The following ANKRD29 variants were observed in gnomAD, a reference collection of about 807,000 sequenced individuals.
The protein encoded by ANKRD29 is ankyrin repeat domain-containing protein 29.
ANKRD29 carries 32 observed loss-of-function variants against 38.0 expected under a neutral mutation model. The ratio of observed to expected loss-of-function variants is 0.84; its 90% CI spans 0.64 to 1.13. ANKRD29 has a LOEUF of 1.13. Ranked by LOEUF, ANKRD29 falls within the 50% of genes most tolerant of loss-of-function variation. The pLI, the probability that ANKRD29 is intolerant of heterozygous loss-of-function variation, is 0.00. For synonymous variants in ANKRD29, 135 were observed against 152.4 expected, an observed-to-expected ratio of 0.89 and a Z score of 0.84; for missense variants, 357 against 377.9, an observed-to-expected ratio of 0.94 and a Z score of 0.46.
chr18:23,634,220 C>A, intron 4 of ANKRD29, 71 bp from the exon 5 acceptor site: 1 of 1,099,260 alleles, frequency 9.1e-7, no homozygotes, highest in Non-Finnish European at 1.3e-6. Context: ...ATGTTCCTCA[C>A]ATACATAGAA....
chr18:23,615,913 T>C (rs373731475), intron 8 of ANKRD29, among the ~76,000 whole-genome samples: 1 of 147,306 alleles, frequency 6.8e-6, no homozygotes, highest in Non-Finnish European at 1.5e-5. Context: ...TAGTATATAC[T>C]ATATAGTATG....
At chr18:23,610,136 A>G (rs1189691243) in intron 9 of ANKRD29, among the ~76,000 whole-genome samples, 1 of 152,224 alleles carries the variant, frequency 6.6e-6, no homozygotes, top group Non-Finnish European at 1.5e-5. Context: ...GTTGCTTTTC[A>G]TATCCTCCTC....
At chr18:23,625,730 G>A (rs1323042243) in intron 6 of ANKRD29, among the ~76,000 whole-genome samples, 1 of 152,154 alleles carries the variant, frequency 6.6e-6, no homozygotes, top group Non-Finnish European at 1.5e-5. Flanking sequence ...GGGACAGTAG[G>A]CAACCTGCTA....
At chr18:23,616,563 T>TAC (rs59206877) in intron 8 of ANKRD29, among the ~76,000 whole-genome samples, 6 of 137,832 alleles carry the variant, frequency 4.4e-5, no homozygotes, top group Non-Finnish European at 9.1e-5. Flanking sequence ...TATATATATA[T>TAC]ACACTATATA....
intron 6 of ANKRD29, among the ~76,000 whole-genome samples, chr18:23,628,525 A>G (rs1030469836): frequency 6.6e-6 from 1 of 152,062 alleles, no homozygotes; most frequent in Admixed American, 6.6e-5. Flanking sequence ...CTTAATTCGA[A>G]ATGTTTTGTT....
intron 8 of ANKRD29, among the ~76,000 whole-genome samples, chr18:23,616,146 CACATACTGTATGTATGTATACTCTAT>C (rs1240926369): frequency 1.9e-3 from 282 of 148,580 alleles, no homozygotes; most frequent in Non-Finnish European, 3.5e-3. Context: ...GTATACTCTA[CACATACTGTATGTATGTATACTCTAT>C]ACATACTGTA....
intron 5 of ANKRD29, among the ~76,000 whole-genome samples, chr18:23,630,190 C>T (rs996667527): frequency 3.0e-4 from 46 of 151,956 alleles, no homozygotes; most frequent in African/African-American, 9.9e-4. Context: ...TTTGGGAGGC[C>T]GAGGCAGGTG....
rs1240386740 is a variant in ANKRD29, at chr18:23,649,152, C to G, written c.63G>C (p.Arg21Ser). Residue 21 changes from arginine to serine, a missense_variant, in exon 2 of 10, where the codon AGG (arginine) becomes AGC (serine). Coordinates refer to ENST00000592179, the MANE Select transcript of ANKRD29 (RefSeq NM_173505.4). ...PLANAAFWAA[R>S]RGNLALLKLL... Reference sequence around the variant, plus strand: ...GCTTCAGCAGCGCCAGGTTTCCTCTCCTGGCTGCCCAGAATGCAGCATTGG... The same window carrying G: ...GCTTCAGCAGCGCCAGGTTTCCTCTGCTGGCTGCCCAGAATGCAGCATTGG... 1 of 1,614,070 alleles carries G rather than the reference C, an allele frequency of 6.2e-7. No homozygotes were observed. The highest frequency in any genetic ancestry group is 1.3e-5 in the African/African-American group (1 of 74,954).
intron 1 of ANKRD29, among the ~76,000 whole-genome samples, chr18:23,659,491 T>A (rs1334088875): frequency 6.6e-6 from 1 of 152,078 alleles, no homozygotes; most frequent in African/African-American, 2.4e-5. Context: ...ATGCCTGTAA[T>A]CCCAGCACTT....
rs111439905 is a variant in ANKRD29 at position 23,600,877 on chromosome 18, C to T, written c.*349G>A. 7,238 of 170,260 alleles carry T rather than the reference C, an allele frequency of 0.043. 226 individuals are homozygous for T. Among genetic ancestry groups the T allele is most frequent in the South Asian group, 0.12 (713 of 5,776 alleles). The allele number at this position is 170,260 out of a possible 1,614,324, so 10.5% of individuals were successfully genotyped here. A position where few individuals can be genotyped will look rare whatever the true frequency, so the allele number is the denominator to read the frequency against. Reference sequence around the variant, plus strand: ...CTTTTAAAGGAACAAAGCATTCTGTCTCCTTGCTTAGTACTGAGAACCCTG... The same window carrying T: ...CTTTTAAAGGAACAAAGCATTCTGTTTCCTTGCTTAGTACTGAGAACCCTG... On this transcript the variant is annotated 3_prime_UTR_variant, in exon 10 of 10. Transcript: ENST00000592179.
rs56005663 is a variant in ANKRD29, at chr18:23,624,466, C to CAAAAAAAAAAAAAAA, written c.529-4852_529-4838dup. Among the ~76,000 whole-genome samples the CAAAAAAAAAAAAAAA allele has an allele frequency of 1.7e-3, 54 of 32,428 alleles. 7 individuals are homozygous for CAAAAAAAAAAAAAAA. The highest frequency in any genetic ancestry group is 2.7e-3 in the Non-Finnish European group (39 of 14,574). 21.3% of individuals were successfully genotyped at this position (32,428 alleles called of 152,430 possible). On this transcript the variant is annotated intron_variant, in intron 6 of 9. Coordinates refer to ENST00000592179, the MANE Select transcript of ANKRD29 (RefSeq NM_173505.4). The stretch of plus-strand genomic sequence containing the variant: ...TGGGCGACAGAGTGAGACTCCATCT[C>CAAAAAAAAAAAAAAA]AAAAAAAAAAAAAAAAAAAAAAAAA...
At chr18:23,661,859 T>A (rs996953570) in intron 1 of ANKRD29, among the ~76,000 whole-genome samples, 1 of 152,212 alleles carries the variant, frequency 6.6e-6, no homozygotes, top group Non-Finnish European at 1.5e-5. Context: ...CTTTGCAACA[T>A]GCACATCTCG....
intron 1 of ANKRD29, among the ~76,000 whole-genome samples, chr18:23,657,688 G>C (rs1165333459): frequency 6.6e-6 from 1 of 152,134 alleles, no homozygotes; most frequent in African/African-American, 2.4e-5. Flanking sequence ...TACAATATAT[G>C]GCATTCTGTG....
chr18:23,604,624 C>A (rs541826819), intron 9 of ANKRD29, among the ~76,000 whole-genome samples: 1 of 151,808 alleles, frequency 6.6e-6, no homozygotes, highest in Non-Finnish European at 1.5e-5. Flanking sequence ...TCCGCCTCCC[C>A]GGTTCAAGCG....
At chr18:23,639,528 GAT>G (rs1491172907) in intron 3 of ANKRD29, among the ~76,000 whole-genome samples, 101 of 134,388 alleles carry the variant, frequency 7.5e-4, no homozygotes, top group African/African-American at 2.6e-3. Flanking sequence ...ATTTTACTGT[GAT>G]TTTTTTTTTT....
chr18:23,662,550 C>T (rs1218834441), intron 1 of ANKRD29, among the ~76,000 whole-genome samples, 160 bp downstream of exon 1: 1 of 152,098 alleles, frequency 6.6e-6, no homozygotes, highest in Non-Finnish European at 1.5e-5. Flanking sequence ...CCCGCCGCTT[C>T]CTCCCGGGCC....
intron 3 of ANKRD29, among the ~76,000 whole-genome samples, chr18:23,645,488 T>A (rs1290055524): frequency 6.6e-6 from 1 of 152,096 alleles, no homozygotes; most frequent in Non-Finnish European, 1.5e-5. Context: ...GGCATGAGAA[T>A]CACTTGAACC....
chr18:23,658,434 G>A (rs1220872618), intron 1 of ANKRD29, among the ~76,000 whole-genome samples: 1 of 152,094 alleles, frequency 6.6e-6, no homozygotes, highest in Non-Finnish European at 1.5e-5. Flanking sequence ...CAAAAAACTT[G>A]TGTGATTTCA....
chr18:23,634,114 G>A lies in ANKRD29; in HGVS notation c.366C>T (p.Tyr122=), dbSNP rs778667200. ...AGGTCTCCACCACCTGCATGTGCCC[G>A]TACTGACTGGCAGCCAACAGGGCGG... ...GGTALLAASQ[Y]GHMQVVETLL... Residue 122 remains tyrosine, a synonymous_variant, in exon 5 of 10, where the codon TAC becomes TAT. Transcript: ENST00000592179. 18 of 1,613,982 alleles carry A rather than the reference G, an allele frequency of 1.1e-5. No individual in the cohort carries two copies. The Middle Eastern group carries it at 4.9e-4, about 44-fold the overall frequency.
Sources: allele counts gnomAD v4.1 joint callset (sites outside exome capture counted in the v4.1 genomes callset), GRCh38; gene constraint gnomAD v4.1.1; transcripts MANE v1.5; gene names NCBI Gene and HGNC (gene_info 2026-07-23, HGNC 2026-07-21).